DOCK3: variants seen among roughly 807,000 people sequenced by gnomAD.
DOCK3 encodes dedicator of cytokinesis protein 3.
In DOCK3, 60 loss-of-function variants were observed where a neutral mutation model predicts 265.6. The observed-to-expected ratio is 0.23, with a 90% CI of 0.18 to 0.28. The LOEUF is 0.28. Ranked by LOEUF, DOCK3 falls within the 10% of genes least tolerant of loss-of-function variation. The pLI, the probability that DOCK3 is intolerant of heterozygous loss-of-function variation, is 1.00. For missense variants in DOCK3, 1,981 were observed against 2,594.3 expected (o/e 0.76, Z 5.14); for synonymous variants, 881 against 938.0 (o/e 0.94, Z 1.11).
At chr3:51,178,469 C>T (rs542716613) in intron 12 of DOCK3, among the ~76,000 whole-genome samples, 18 of 152,304 alleles carry the variant, frequency 1.2e-4, no homozygotes, top group African/African-American at 1.9e-4. Flanking sequence ...TTCACACCCC[C>T]ATTCTGGAGG....
chr3:51,090,181 T>TA, intron 8 of DOCK3, 49 bp from the exon 9 acceptor site: 3 of 1,504,398 alleles, frequency 2.0e-6, no homozygotes, highest in Non-Finnish European at 2.7e-6. Context: ...ATGATCAATA[T>TA]AAAAAATAAC....
chr3:51,294,264 G>A lies in DOCK3; in HGVS notation c.2922+14060G>A, dbSNP rs1398424650. 2.0e-5 allele frequency among the ~76,000 whole-genome samples: 3 copies of A among 152,190 alleles called. No individual in the cohort carries two copies. In the East Asian group the frequency reaches 5.8e-4, roughly 29 times the overall value. On this transcript the variant is annotated intron_variant, in intron 27 of 52. Transcript: ENST00000266037. The stretch of plus-strand genomic sequence containing the variant: ...CAGGCAATACTATTCAGCCTTAAAA[G>A]AAGTAGGAAATTTTGTCATTTCCAG...
intron 5 of DOCK3, among the ~76,000 whole-genome samples, chr3:50,972,708 A>T (rs556293155): frequency 6.6e-6 from 1 of 152,286 alleles, no homozygotes; most frequent in African/African-American, 2.4e-5. Flanking sequence ...ATGTGGAAAC[A>T]CAAGCACTGA....
At chr3:50,953,562 G>A (rs2076649754) in intron 5 of DOCK3, among the ~76,000 whole-genome samples, 1 of 151,928 alleles carries the variant, frequency 6.6e-6, no homozygotes, top group African/African-American at 2.4e-5. Flanking sequence ...AAATGCATGT[G>A]GATGACTCTC....
chr3:50,829,236 G>A (rs1559694933), intron 2 of DOCK3, among the ~76,000 whole-genome samples: 1 of 152,056 alleles, frequency 6.6e-6, no homozygotes, highest in Non-Finnish European at 1.5e-5. Context: ...GTTCATGGGT[G>A]TTTTCTTTTA....
At chr3:51,085,731 A>G (rs1316335498) in intron 7 of DOCK3, among the ~76,000 whole-genome samples, 62 of 152,336 alleles carry the variant, frequency 4.1e-4, no homozygotes, top group Admixed American at 4.1e-3. Flanking sequence ...AAGATTTCAA[A>G]TAAACAACCT....
At chr3:50,861,509 G>A (rs145881805) in intron 3 of DOCK3, among the ~76,000 whole-genome samples, 72 of 152,214 alleles carry the variant, frequency 4.7e-4, no homozygotes, top group African/African-American at 1.7e-3. Context: ...GATGTGTCTA[G>A]TTCTGTCTGT....
chr3:50,739,929 C>G (rs531095607), intron 1 of DOCK3, among the ~76,000 whole-genome samples: 2 of 152,036 alleles, frequency 1.3e-5, no homozygotes, highest in African/African-American at 4.8e-5. Context: ...TTTTGACATA[C>G]GTATTCATCT....
At chr3:50,912,123 GT>G (rs2049886238) in intron 4 of DOCK3, among the ~76,000 whole-genome samples, 1 of 152,084 alleles carries the variant, frequency 6.6e-6, no homozygotes, top group African/African-American at 2.4e-5. Context: ...AACAGAAACA[GT>G]TTTACTTCCT....
chr3:50,806,485 G>C (rs1333171743), intron 2 of DOCK3, among the ~76,000 whole-genome samples: 1 of 151,366 alleles, frequency 6.6e-6, no homozygotes, highest in Non-Finnish European at 1.5e-5. Flanking sequence ...GGGAATATTG[G>C]CTCCTTGTAG....
At chr3:51,111,858 C>T (rs913665558) in intron 9 of DOCK3, among the ~76,000 whole-genome samples, 1 of 151,808 alleles carries the variant, frequency 6.6e-6, no homozygotes, top group Non-Finnish European at 1.5e-5. Context: ...AACACATTTA[C>T]AAGAAAAAAA....
rs141130554 is a variant in DOCK3 at position 50,739,906 on chromosome 3, G to A, written c.38-38769G>A. On this transcript the variant is annotated intron_variant, in intron 1 of 52. Coordinates refer to ENST00000266037, the MANE Select transcript of DOCK3 (RefSeq NM_004947.5). ...GATATAATCTATACCTATTTAAAGTGTACATTGATAAATTTTGACATACGT... is the reference window on the plus strand; with the variant it reads ...GATATAATCTATACCTATTTAAAGTATACATTGATAAATTTTGACATACGT... Among the ~76,000 whole-genome samples, 37 of 152,192 alleles carry A rather than the reference G, an allele frequency of 2.4e-4. No homozygotes were observed. In the East Asian group the frequency reaches 5.0e-3, roughly 21 times the overall value.
intron 2 of DOCK3, among the ~76,000 whole-genome samples, chr3:50,839,391 A>G (rs2045691766): frequency 1.3e-5 from 2 of 152,180 alleles, no homozygotes; most frequent in Admixed American, 6.5e-5. Context: ...CAATATGTTT[A>G]GTTTTGTTAG....
chr3:50,826,020 C>G (rs2044737401), intron 2 of DOCK3, among the ~76,000 whole-genome samples: 1 of 151,886 alleles, frequency 6.6e-6, no homozygotes, highest in African/African-American at 2.4e-5. Context: ...CAGTATTTCC[C>G]ATGGCAAGCA....
At chr3:51,090,100 A>G in intron 8 of DOCK3, 130 bp from the exon 9 acceptor site, 1 of 1,085,846 alleles carries the variant, frequency 9.2e-7, no homozygotes, top group East Asian at 2.7e-5. Context: ...AGCAGAGAAA[A>G]CATCTTCAGT....
rs1231847683 is a variant in DOCK3 at position 51,016,793 on chromosome 3, TATATG to T, written c.316-47650_316-47646del. Among the ~76,000 whole-genome samples the T allele has an allele frequency of 9.8e-5, 5 of 51,006 alleles. 2 individuals carry two copies. The highest frequency in any genetic ancestry group is 5.1e-4 in the African/African-American group (5 of 9,760). 33.5% of individuals were successfully genotyped at this position (51,006 alleles called of 152,430 possible). A position where few individuals can be genotyped will look rare whatever the true frequency, so the allele number is the denominator to read the frequency against. The stretch of plus-strand genomic sequence containing the variant: ...TGTTTATATATATCATATATAAATA[TATATG>T]ATATATGTTTATATATATCATATAT... On this transcript the variant is annotated intron_variant, in intron 5 of 52. Transcript: ENST00000266037.
At chr3:51,354,211 T>C in intron 40 of DOCK3, among the ~76,000 whole-genome samples, 1 of 140,556 alleles carries the variant, frequency 7.1e-6, no homozygotes, top group African/African-American at 2.8e-5. Context: ...AATCACACAC[T>C]TGATCACCAC....
intron 5 of DOCK3, among the ~76,000 whole-genome samples, chr3:50,941,421 G>A (rs1292796608): frequency 6.6e-6 from 1 of 152,128 alleles, no homozygotes; most frequent in Non-Finnish European, 1.5e-5. Flanking sequence ...AATACCAAGT[G>A]ATGCCAAGGA....
intron 12 of DOCK3, among the ~76,000 whole-genome samples, chr3:51,202,999 G>T (rs959101765): frequency 6.6e-6 from 1 of 152,098 alleles, no homozygotes; most frequent in African/African-American, 2.4e-5. Flanking sequence ...AATAAATTAG[G>T]TATTGATGGG....
Sources: allele counts gnomAD v4.1 joint callset (sites outside exome capture counted in the v4.1 genomes callset), GRCh38; gene constraint gnomAD v4.1.1; transcripts MANE v1.5; gene names NCBI Gene and HGNC (gene_info 2026-07-23, HGNC 2026-07-21).